Variants in SLCO1A2 observed in about 807,000 individuals in gnomAD.
The protein encoded by SLCO1A2 is OATP-1.
Under a neutral mutation model 69.0 loss-of-function variants are expected in SLCO1A2, and 67 were observed. That is an observed-to-expected ratio of 0.97 (90% CI 0.80 to 1.19). The LOEUF (loss-of-function observed/expected upper bound fraction) is 1.19, where lower values mean the gene tolerates loss of function less well. Ranked by LOEUF, SLCO1A2 falls within the 50% of genes most tolerant of loss-of-function variation. The probability of loss-of-function intolerance (pLI) is 0.00; values close to 1 mark genes in which losing one functional copy is unlikely to be tolerated. For missense variants in SLCO1A2, 787 were observed against 793.7 expected, an observed-to-expected ratio of 0.99 and a Z score of 0.10; for synonymous variants, 260 against 265.9, an observed-to-expected ratio of 0.98 and a Z score of 0.22.
intron 6 of SLCO1A2, among the ~76,000 whole-genome samples, chr12:21,303,675 G>T (rs1169408666): frequency 6.6e-6 from 1 of 152,162 alleles, no homozygotes; most frequent in Non-Finnish European, 1.5e-5. Flanking sequence ...AGATTGGAAG[G>T]CAGCACAAGA....
chr12:21,392,851 A>G (rs981834396), intron 1 of SLCO1A2, among the ~76,000 whole-genome samples: 1 of 152,224 alleles, frequency 6.6e-6, no homozygotes, highest in Non-Finnish European at 1.5e-5. Context: ...TTTTCCATGT[A>G]GACCCTTTTG....
At chr12:21,372,454 T>C (rs1939868986) in intron 2 of SLCO1A2, among the ~76,000 whole-genome samples, 1 of 152,210 alleles carries the variant, frequency 6.6e-6, no homozygotes, top group Admixed American at 6.5e-5. Flanking sequence ...TTTATGCCCT[T>C]TTTATACACC....
At chr12:21,352,367 CAATT>C (rs1323620208) in intron 2 of SLCO1A2, among the ~76,000 whole-genome samples, 1 of 152,240 alleles carries the variant, frequency 6.6e-6, no homozygotes, top group African/African-American at 2.4e-5. Context: ...TGTAAAATCT[CAATT>C]AATCTCATTC....
rs146972450 is a variant in SLCO1A2 at position 21,404,748 on chromosome 12, A to G, written c.-312+13134T>C. On this transcript the variant is annotated intron_variant, in intron 1 of 4. Coordinates refer to the SLCO1A2 transcript ENST00000413682. Reference sequence around the variant, plus strand: ...ATGATTTATGTTTGTTTGGATATATACCCACTAAAGGGATTGCTGGCTCAA... The same window carrying G: ...ATGATTTATGTTTGTTTGGATATATGCCCACTAAAGGGATTGCTGGCTCAA... 1.9e-3 allele frequency among the ~76,000 whole-genome samples: 287 copies of G among 152,314 alleles called. 1 individual carries two copies. The highest frequency in any genetic ancestry group is 6.6e-3 in the African/African-American group (275 of 41,566).
chr12:21,291,546 G>C (rs11045942), intron 12 of SLCO1A2, among the ~76,000 whole-genome samples: 30,278 of 152,054 alleles, frequency 0.2, 4,161 homozygotes, highest in African/African-American at 0.39. Flanking sequence ...TGCAAATTAT[G>C]TTCAGGATTG....
At chr12:21,277,907 G>C (rs1158151114) in intron 12 of SLCO1A2, among the ~76,000 whole-genome samples, 1 of 152,156 alleles carries the variant, frequency 6.6e-6, no homozygotes, top group Non-Finnish European at 1.5e-5. Context: ...GTGTGGGTAG[G>C]GACCCCAGGG....
intron 2 of SLCO1A2, among the ~76,000 whole-genome samples, chr12:21,365,908 G>A (rs1001340681): frequency 2.0e-5 from 3 of 152,204 alleles, no homozygotes; most frequent in African/African-American, 7.2e-5. Context: ...AACAGGTGCT[G>A]GAGAGGATGT....
upstream of SLCO1A2, among the ~76,000 whole-genome samples, chr12:21,397,942 C>G (rs1259832394): frequency 2.1e-5 from 2 of 95,150 alleles, no homozygotes; most frequent in Middle Eastern, 4.1e-3. Context: ...AAATTGACAC[C>G]CTAACATCAC....
intron 2 of SLCO1A2, among the ~76,000 whole-genome samples, chr12:21,370,453 A>G (rs1244470209): frequency 6.7e-6 from 1 of 148,314 alleles, no homozygotes; most frequent in Non-Finnish European, 1.5e-5. Context: ...AACATTAGGT[A>G]TATCTCCTAA....
rs1939996433 is a variant in SLCO1A2 at position 21,373,965 on chromosome 12, A to T, written c.-63+434T>A. ...GAAATGAAATCTAAAAGAAGTAGTTAAAAAGCCATTTGCTGTTGGGGGATT... is the reference window on the plus strand; with the variant it reads ...GAAATGAAATCTAAAAGAAGTAGTTTAAAAGCCATTTGCTGTTGGGGGATT... On this transcript the variant is annotated intron_variant, in intron 2 of 15. Transcript: ENST00000307378. Among the ~76,000 whole-genome samples the T allele has an allele frequency of 2.0e-5, 3 of 152,336 alleles. No homozygotes were observed. In the East Asian group the frequency reaches 5.8e-4, roughly 29 times the overall value.
chr12:21,373,748 T>TA (rs773216078), intron 2 of SLCO1A2: 6 of 696,036 alleles, frequency 8.6e-6, no homozygotes, highest in Non-Finnish European at 1.3e-5. Flanking sequence ...TAATTTCTTC[T>TA]ATATTAACCT....
intron 1 of SLCO1A2, among the ~76,000 whole-genome samples, chr12:21,387,623 C>A (rs1940945585): frequency 6.6e-6 from 1 of 152,338 alleles, no homozygotes; most frequent in South Asian, 2.1e-4. Flanking sequence ...TGTGGAAACA[C>A]CTGGATGTCC....
intron 2 of SLCO1A2, among the ~76,000 whole-genome samples, chr12:21,334,235 C>T (rs748434941): frequency 5.3e-5 from 8 of 152,184 alleles, no homozygotes; most frequent in Non-Finnish European, 1.0e-4. Flanking sequence ...GAGCCATTTT[C>T]GGAGAGTGAC....
At chr12:21,384,606 G>A (rs1460282268) in intron 1 of SLCO1A2, among the ~76,000 whole-genome samples, 3 of 151,752 alleles carry the variant, frequency 2.0e-5, no homozygotes, top group African/African-American at 7.3e-5. Flanking sequence ...ATAGCAGGAA[G>A]AAAATCTAAA....
chr12:21,389,055 G>A (rs975637981), intron 1 of SLCO1A2, among the ~76,000 whole-genome samples: 1 of 152,156 alleles, frequency 6.6e-6, no homozygotes, highest in East Asian at 1.9e-4. Context: ...TGTGGTACAT[G>A]TTGCCCTGTC....
intron 12 of SLCO1A2, among the ~76,000 whole-genome samples, chr12:21,285,370 T>C (rs1183801280): frequency 8.0e-5 from 12 of 149,666 alleles, no homozygotes; most frequent in East Asian, 7.9e-4. Context: ...TAATCAATAG[T>C]TTACCAACAA....
intron 2 of SLCO1A2, chr12:21,373,366 G>A: frequency 6.2e-7 from 1 of 1,612,954 alleles, no homozygotes. Flanking sequence ...GCATCCTGAA[G>A]CTGCAAGTAT....
rs144534260 is a variant in SLCO1A2 at position 21,415,383 on chromosome 12, C to A, written c.-312+2499G>T. On this transcript the variant is annotated intron_variant, in intron 1 of 4. Coordinates refer to the SLCO1A2 transcript ENST00000413682. ...AGCAACAAATGTTTATTCTTTTAAT[C>A]GTCTTTACCTCATATATTTCATATA... Among the ~76,000 whole-genome samples the A allele has an allele frequency of 5.7e-3, 871 of 152,118 alleles. 14 individuals are homozygous for A. The highest frequency in any genetic ancestry group is 0.02 in the African/African-American group (843 of 41,524).
At chr12:21,296,296 A>C (rs2136358737) in intron 9 of SLCO1A2, among the ~76,000 whole-genome samples, 1 of 152,212 alleles carries the variant, frequency 6.6e-6, no homozygotes, top group South Asian at 2.1e-4. Flanking sequence ...GCTGGAGTGC[A>C]GTGATATGAT....
Sources: gnomAD v4.1 joint callset for allele counts (sites outside exome capture counted in the v4.1 genomes callset) on GRCh38, gnomAD v4.1.1 for gene constraint, MANE v1.5 for transcripts, NCBI Gene and HGNC (gene_info 2026-07-23, HGNC 2026-07-21) for gene names.